The following RFTN1 variants were observed in gnomAD, a reference collection of about 807,000 sequenced individuals.
RFTN1 encodes raftlin, lipid raft linker 1, also known as raftlin.
Under a neutral mutation model 46.5 loss-of-function variants are expected in RFTN1, and 26 were observed. The observed-to-expected ratio is 0.56, with a 90% CI of 0.41 to 0.78. The LOEUF is 0.78. Among genes scored for constraint, RFTN1 ranks in the 30% least tolerant of loss-of-function variants. The pLI, the probability that RFTN1 is intolerant of heterozygous loss-of-function variation, is 0.00. For missense variants in RFTN1, 693 were observed against 718.7 expected (o/e 0.96, Z 0.41); for synonymous variants, 261 against 284.2 (o/e 0.92, Z 0.82).
chr3:16,444,968 G>A (rs557450431), intron 2 of RFTN1, among the ~76,000 whole-genome samples: 25 of 152,268 alleles, frequency 1.6e-4, no homozygotes, highest in African/African-American at 5.8e-4. Flanking sequence ...TCTTTATCGA[G>A]AAGTTTGGTA....
At position 16,317,239 on chromosome 3, in the gene RFTN1, A is replaced by G. The variant is rs2068505357; in HGVS notation, c.1333-7T>C. ...TGGAGAATCGCCACTGAAACTAGAA[A>G]TCAGAAAGGATGGGGATAAATAACA... On this transcript the variant is annotated splice_region_variant and splice_polypyrimidine_tract_variant and intron_variant, in intron 9 of 9. Coordinates refer to ENST00000334133, the MANE Select transcript of RFTN1 (RefSeq NM_015150.2). The surrounding 1 kb of genome is among the most constrained non-coding windows in gnomAD (Gnocchi z 4.3). The G allele has an allele frequency of 6.2e-7, 1 of 1,610,726 alleles. No homozygotes were observed. Among genetic ancestry groups the G allele is most frequent in the African/African-American group, 1.3e-5 (1 of 74,740 alleles).
At position 16,334,274 on chromosome 3, in the gene RFTN1, A is replaced by G. The variant is rs1056684498; in HGVS notation, c.1147-7398T>C. Reference sequence around the variant, plus strand: ...AGTTAGGCAGCCCGCTTTGTTGCCAAGGCCGTGGGGAAGCATGCGTTCTTG... The same window carrying G: ...AGTTAGGCAGCCCGCTTTGTTGCCAGGGCCGTGGGGAAGCATGCGTTCTTG... On this transcript the variant is annotated intron_variant, in intron 7 of 9. Transcript: ENST00000334133. The surrounding 1 kb of genome is among the most constrained non-coding windows in gnomAD (Gnocchi z 4.3). 8.5e-5 allele frequency among the ~76,000 whole-genome samples: 13 copies of G among 152,230 alleles called. No individual in the cohort carries two copies. The highest frequency in any genetic ancestry group is 1.6e-4 in the Non-Finnish European group (11 of 68,036).
At position 16,323,358 on chromosome 3, in the gene RFTN1, G is replaced by A. The variant is rs762904260; in HGVS notation, c.1332+18C>T. On this transcript the variant is annotated intron_variant, in intron 9 of 9. Transcript: ENST00000334133. ...GCCCTGCTGAGGAAAACCTAGGAAG[G>A]CCATCAAAGTCTCTTACCTTCGATT... 7 of 1,568,790 alleles carry A rather than the reference G, an allele frequency of 4.5e-6. No homozygotes were observed. The highest frequency in any genetic ancestry group is 1.7e-5 in the Admixed American group (1 of 59,778).
intron 4 of RFTN1, among the ~76,000 whole-genome samples, chr3:16,386,039 G>C (rs1314115948): frequency 6.6e-6 from 1 of 152,200 alleles, no homozygotes; most frequent in East Asian, 1.9e-4. Context: ...TGTTATGTTA[G>C]CAAAGCATTT....
intron 7 of RFTN1, among the ~76,000 whole-genome samples, chr3:16,355,545 A>C (rs1012733922): frequency 6.6e-6 from 1 of 152,258 alleles, no homozygotes; most frequent in Non-Finnish European, 1.5e-5. Context: ...CATCCTATCC[A>C]TGAGGGTGGA....
At chr3:16,497,517 A>G (rs1402279493) in intron 1 of RFTN1, among the ~76,000 whole-genome samples, 1 of 152,110 alleles carries the variant, frequency 6.6e-6, no homozygotes, top group East Asian at 1.9e-4. Flanking sequence ...CCTGCTGGAG[A>G]CTTTGATGGG....
chr3:16,410,119 T>G lies in RFTN1; in HGVS notation c.333-636A>C, dbSNP rs2059911. Among the ~76,000 whole-genome samples the G allele has an allele frequency of 0.99, 150,470 of 151,936 alleles. 74,526 individuals carry two copies. The highest frequency in any genetic ancestry group is 1 in the East Asian group (5,171 of 5,172). ...GGAAACTACTCAAGTAATATATACA[T>G]ATCCACATCATAGTAAGACCTCTAA... On this transcript the variant is annotated intron_variant, in intron 3 of 9. Transcript: ENST00000334133. The surrounding 1 kb of genome is among the most constrained non-coding windows in gnomAD (Gnocchi z 4.6).
At chr3:16,403,797 A>AAT (rs1213604251) in intron 4 of RFTN1, among the ~76,000 whole-genome samples, 1 of 8,238 alleles carries the variant, frequency 1.2e-4, no homozygotes, top group Non-Finnish European at 1.8e-4. Flanking sequence ...TTTTATATAT[A>AAT]ATATATATTA....
rs2076228872 is a variant in RFTN1, at chr3:16,473,390, T to C, written c.145+20335A>G. ...TAAGGTCCACAAAAATACTCTGTTTTCTTTCTTTTTTCTTTTTTTTTTTTT... is the reference window on the plus strand; with the variant it reads ...TAAGGTCCACAAAAATACTCTGTTTCCTTTCTTTTTTCTTTTTTTTTTTTT... On this transcript the variant is annotated intron_variant, in intron 2 of 9. Coordinates refer to ENST00000334133, the MANE Select transcript of RFTN1 (RefSeq NM_015150.2). The surrounding 1 kb of genome is among the most constrained non-coding windows in gnomAD (Gnocchi z 5.3). Among the ~76,000 whole-genome samples the C allele has an allele frequency of 6.6e-6, 1 of 151,350 alleles. No individual in the cohort carries two copies. The highest frequency in any genetic ancestry group is 2.4e-5 in the African/African-American group (1 of 40,882).
chr3:16,476,373 C>A lies in RFTN1; in HGVS notation c.145+17352G>T, dbSNP rs2076281404. On this transcript the variant is annotated intron_variant, in intron 2 of 9. Transcript: ENST00000334133. ...CCTAAGGATTTAGCTGCTTAGAGAA[C>A]AAGGACAAACCATGCCCTCATGGAG... 1.3e-5 allele frequency among the ~76,000 whole-genome samples: 2 copies of A among 152,206 alleles called. 1 individual carries two copies. The highest frequency in any genetic ancestry group is 1.3e-4 in the Admixed American group (2 of 15,276).
rs1432810222 is a variant in RFTN1 at position 16,374,128 on chromosome 3, T to C, written c.826+3590A>G. ...TTACAAGGGCCTTTCACCTTCACCATCTCATGTGACTCTCCCAAACTTGAT... is the reference window on the plus strand; with the variant it reads ...TTACAAGGGCCTTTCACCTTCACCACCTCATGTGACTCTCCCAAACTTGAT... On this transcript the variant is annotated intron_variant, in intron 5 of 9. Transcript: ENST00000334133. The surrounding 1 kb of genome is among the most constrained non-coding windows in gnomAD (Gnocchi z 5.4). 3.9e-5 allele frequency among the ~76,000 whole-genome samples: 6 copies of C among 152,164 alleles called. No individual in the cohort carries two copies. Among genetic ancestry groups the C allele is most frequent in the Admixed American group, 3.9e-4 (6 of 15,280 alleles).
chr3:16,508,811 T>C (rs1156700830), intron 1 of RFTN1, among the ~76,000 whole-genome samples: 2 of 137,592 alleles, frequency 1.5e-5, no homozygotes, highest in Non-Finnish European at 3.1e-5. Context: ...CCAAGTGTGT[T>C]ACCAATTCTT....
Position 16,344,713 on chromosome 3 carries a change from C to G in RFTN1, c.1146+13219G>C, listed in dbSNP as rs1226458326. 6.6e-6 allele frequency among the ~76,000 whole-genome samples: 1 copy of G among 152,184 alleles called. No homozygotes were observed. Among genetic ancestry groups the G allele is most frequent in the African/African-American group, 2.4e-5 (1 of 41,442 alleles). The stretch of plus-strand genomic sequence containing the variant: ...AAAGCTCATGAAGACAGACCTCCTC[C>G]CAATGAAAGCACATCGTTGCCAAGT... On this transcript the variant is annotated intron_variant, in intron 7 of 9. Transcript: ENST00000334133. This position sits in a 1 kb window ranked among gnomAD's most constrained non-coding sequence, Gnocchi z 4.4.
chr3:16,445,479 T>TCA (rs1319902709), intron 2 of RFTN1, among the ~76,000 whole-genome samples: 13 of 79,960 alleles, frequency 1.6e-4, no homozygotes, highest in Admixed American at 4.4e-4. Flanking sequence ...TCTCTCTCTC[T>TCA]CTCTCACACA....
intron 7 of RFTN1, among the ~76,000 whole-genome samples, chr3:16,332,468 A>C (rs1006269541): frequency 6.8e-6 from 1 of 146,030 alleles, no homozygotes; most frequent in Non-Finnish European, 1.5e-5. Context: ...CATTTATTTT[A>C]TCTCTTTAAA....
Position 16,418,756 on chromosome 3 carries a change from A to T in RFTN1, c.333-9273T>A, listed in dbSNP as rs563874808. Reference sequence around the variant, plus strand: ...GAGATTTGTCAATGAAAGAAAAAGAAAGCTATTCCTAGTTTCATTAACTTA... The same window carrying T: ...GAGATTTGTCAATGAAAGAAAAAGATAGCTATTCCTAGTTTCATTAACTTA... On this transcript the variant is annotated intron_variant, in intron 3 of 9. Transcript: ENST00000334133. This position sits in a 1 kb window ranked among gnomAD's most constrained non-coding sequence, Gnocchi z 5.0. Among the ~76,000 whole-genome samples, 10 of 152,170 alleles carry T rather than the reference A, an allele frequency of 6.6e-5. No individual in the cohort carries two copies. Among genetic ancestry groups the T allele is most frequent in the Non-Finnish European group, 1.5e-4 (10 of 68,028 alleles).
chr3:16,425,482 A>T lies in RFTN1; in HGVS notation c.332+8369T>A, dbSNP rs887101769. Among the ~76,000 whole-genome samples, 2 of 152,326 alleles carry T rather than the reference A, an allele frequency of 1.3e-5. No homozygotes were observed. The highest frequency in any genetic ancestry group is 1.9e-4 in the East Asian group (1 of 5,190). The stretch of plus-strand genomic sequence containing the variant: ...TCTCTCAGAAGAAACAAACAAACAA[A>T]AAATAAATAAAATGTGAGGAAAGAC... On this transcript the variant is annotated intron_variant, in intron 3 of 9. Transcript: ENST00000334133. The surrounding 1 kb of genome is among the most constrained non-coding windows in gnomAD (Gnocchi z 4.3).
intron 4 of RFTN1, among the ~76,000 whole-genome samples, chr3:16,389,408 T>C (rs2074293963): frequency 6.6e-6 from 1 of 152,214 alleles, no homozygotes; most frequent in African/African-American, 2.4e-5. Flanking sequence ...ATGGTTTTTC[T>C]GGAAGATGGA....
rs1210942904 is a variant in RFTN1 at position 16,475,809 on chromosome 3, T to C, written c.145+17916A>G. ...AGTCCCAGCAGTCACGGTTTCCATATTGAAGCAATGTTAATTCCTCCTCTC... is the reference window on the plus strand; with the variant it reads ...AGTCCCAGCAGTCACGGTTTCCATACTGAAGCAATGTTAATTCCTCCTCTC... On this transcript the variant is annotated intron_variant, in intron 2 of 9. Coordinates refer to ENST00000334133, the MANE Select transcript of RFTN1 (RefSeq NM_015150.2). The surrounding 1 kb of genome is among the most constrained non-coding windows in gnomAD (Gnocchi z 4.2). Among the ~76,000 whole-genome samples the C allele has an allele frequency of 6.6e-6, 1 of 152,224 alleles. No individual in the cohort carries two copies. The highest frequency in any genetic ancestry group is 1.5e-5 in the Non-Finnish European group (1 of 68,040).
Sources: allele counts gnomAD v4.1 joint callset (sites outside exome capture counted in the v4.1 genomes callset), GRCh38; gene constraint gnomAD v4.1.1; non-coding constraint Gnocchi (gnomAD v3.1); transcripts MANE v1.5; gene names NCBI Gene and HGNC (gene_info 2026-07-23, HGNC 2026-07-21).